MTUS2: variants seen among roughly 807,000 people sequenced by gnomAD.
MTUS2 encodes microtubule associated scaffold protein 2, also known as microtubule-associated tumor suppressor candidate 2.
A neutral mutation model predicts 114.1 loss-of-function variants in MTUS2; 40 were observed. The ratio of observed to expected loss-of-function variants is 0.35; its 90% confidence interval spans 0.27 to 0.46. The LOEUF (loss-of-function observed/expected upper bound fraction) is 0.46. MTUS2 is among the 20% of genes least tolerant of loss of function. The pLI is 1.00. For missense variants in MTUS2, 1,679 were observed against 1,705.4 expected, an observed-to-expected ratio of 0.98 and a Z score of 0.27; for synonymous variants, 688 against 672.0, an observed-to-expected ratio of 1.02 and a Z score of -0.37.
At chr13:29,338,619 C>T (rs1295869858) in intron 7 of MTUS2, among the ~76,000 whole-genome samples, 1 of 151,250 alleles carries the variant, frequency 6.6e-6, no homozygotes, top group Non-Finnish European at 1.5e-5. Flanking sequence ...AGTTGCATAA[C>T]CCAAAGTCAC....
At chr13:29,260,351 A>G (rs918067025) in intron 5 of MTUS2, among the ~76,000 whole-genome samples, 4 of 152,246 alleles carry the variant, frequency 2.6e-5, no homozygotes, top group Admixed American at 6.5e-5. Flanking sequence ...GTTCAGTCCC[A>G]TTCCCCAGTT....
chr13:29,158,358 C>CCCCCCCTCCTTT, intron 5 of MTUS2, among the ~76,000 whole-genome samples: 2 of 32,048 alleles, frequency 6.2e-5, no homozygotes, highest in Non-Finnish European at 1.0e-4. Flanking sequence ...GTCCACCCCG[C>CCCCCCCTCCTTT]TTTTTTTTTT....
chr13:29,200,272 A>G (rs1337498900), intron 5 of MTUS2, among the ~76,000 whole-genome samples: 1 of 151,416 alleles, frequency 6.6e-6, no homozygotes, highest in Non-Finnish European at 1.5e-5. Flanking sequence ...AGGTCTTTTA[A>G]TTGTGATGTT....
intron 1 of MTUS2, among the ~76,000 whole-genome samples, chr13:28,835,342 G>A (rs945113385): frequency 6.6e-6 from 1 of 152,266 alleles, no homozygotes; most frequent in South Asian, 2.1e-4. Flanking sequence ...GTGAAGTACC[G>A]ATTTCTGGTA....
At chr13:29,398,022 A>C (rs564124216) in intron 8 of MTUS2, among the ~76,000 whole-genome samples, 37 of 152,354 alleles carry the variant, frequency 2.4e-4, no homozygotes, top group African/African-American at 8.4e-4. Flanking sequence ...GAAATTAGAA[A>C]GAGAATTGTA....
rs1246356720 is a variant in MTUS2 at position 29,389,491 on chromosome 13, GTGTATATA to G, written c.3117+30025_3117+30032del. Among the ~76,000 whole-genome samples the G allele has an allele frequency of 2.5e-4, 28 of 112,976 alleles. 1 individual carries two copies. Among genetic ancestry groups the G allele is most frequent in the Admixed American group, 6.3e-4 (7 of 11,144 alleles). The allele number at this position is 112,976 out of a possible 152,430, so 74.1% of individuals were successfully genotyped here. ...TGTATATGTATACACGTGTGTGTAT[GTGTATATA>G]TGTATACACGTGTGTGTATGTGTAT... On this transcript the variant is annotated intron_variant, in intron 8 of 15. Transcript: ENST00000612955.
At chr13:29,471,100 T>G (rs1380354365) in intron 9 of MTUS2, among the ~76,000 whole-genome samples, 1 of 152,144 alleles carries the variant, frequency 6.6e-6, no homozygotes, top group African/African-American at 2.4e-5. Context: ...CATAACACTT[T>G]GGGAGGCTGA....
intron 5 of MTUS2, among the ~76,000 whole-genome samples, chr13:29,177,991 A>C (rs1009615189): frequency 3.9e-5 from 6 of 152,116 alleles, no homozygotes; most frequent in Admixed American, 2.0e-4. Flanking sequence ...CTTTTTTAGG[A>C]TCCAAGGGTC....
chr13:28,820,966 G>A (rs1873857650), intron 1 of MTUS2, among the ~76,000 whole-genome samples: 2 of 152,152 alleles, frequency 1.3e-5, no homozygotes, highest in South Asian at 2.1e-4. Flanking sequence ...TTTCCTTCAA[G>A]CTTTATAATG....
chr13:29,469,689 C>T (rs1284982328), intron 9 of MTUS2, among the ~76,000 whole-genome samples: 1 of 150,966 alleles, frequency 6.6e-6, no homozygotes, highest in Non-Finnish European at 1.5e-5. Flanking sequence ...CACCCATAAT[C>T]CCAGAAATTT....
intron 5 of MTUS2, among the ~76,000 whole-genome samples, chr13:29,194,325 A>G (rs1204570971): frequency 6.6e-6 from 1 of 152,074 alleles, no homozygotes; most frequent in Non-Finnish European, 1.5e-5. Flanking sequence ...AAATGGGAGA[A>G]AATTTTCGCA....
At chr13:29,389,245 A>C (rs1373680985) in intron 8 of MTUS2, among the ~76,000 whole-genome samples, 2 of 140,658 alleles carry the variant, frequency 1.4e-5, no homozygotes, top group Non-Finnish European at 3.0e-5. Flanking sequence ...ATGTGTGTAT[A>C]TATATGTATA....
At chr13:29,200,756 G>T (rs915208458) in intron 5 of MTUS2, among the ~76,000 whole-genome samples, 4 of 151,962 alleles carry the variant, frequency 2.6e-5, no homozygotes, top group African/African-American at 9.7e-5. Flanking sequence ...CCAACCTCAG[G>T]TGATCTGCAC....
chr13:29,439,874 G>A, intron 8 of MTUS2, 109 bp from the exon 9 acceptor site: 1 of 878,686 alleles, frequency 1.1e-6, no homozygotes, highest in Non-Finnish European at 1.8e-6. Flanking sequence ...ATCTCCTTAA[G>A]GACTAGACTT....
At chr13:29,347,506 G>T (rs538840237) in intron 7 of MTUS2, among the ~76,000 whole-genome samples, 5 of 151,278 alleles carry the variant, frequency 3.3e-5, no homozygotes, top group African/African-American at 1.2e-4. Flanking sequence ...TAATTCTTTG[G>T]TTGGAGAACA....
At chr13:29,376,596 A>G (rs1751696020) in intron 8 of MTUS2, among the ~76,000 whole-genome samples, 1 of 152,184 alleles carries the variant, frequency 6.6e-6, no homozygotes, top group South Asian at 2.1e-4. Flanking sequence ...GATTTCAACC[A>G]GGGGTGACAC....
chr13:29,123,810 G>C (rs1234760713), intron 5 of MTUS2, among the ~76,000 whole-genome samples: 1 of 152,162 alleles, frequency 6.6e-6, no homozygotes, highest in East Asian at 1.9e-4. Context: ...TCTCCTTAAA[G>C]GGTAAAACCC....
intron 8 of MTUS2, among the ~76,000 whole-genome samples, chr13:29,432,791 G>A (rs184495269): frequency 4.8e-4 from 73 of 152,314 alleles, no homozygotes; most frequent in Non-Finnish European, 9.6e-4. Flanking sequence ...CCCTTTAGGG[G>A]TTAATTTGCA....
chr13:29,340,422 A>G (rs1299286040), intron 7 of MTUS2, among the ~76,000 whole-genome samples: 3 of 152,212 alleles, frequency 2.0e-5, no homozygotes, highest in Admixed American at 6.5e-5. Flanking sequence ...AGGAAAAACA[A>G]ATCATTTACT....
Sources: gnomAD v4.1 joint callset for allele counts (sites outside exome capture counted in the v4.1 genomes callset) on GRCh38, gnomAD v4.1.1 for gene constraint, MANE v1.5 for transcripts, NCBI Gene and HGNC (gene_info 2026-07-23, HGNC 2026-07-21) for gene names.